The following SCN8A variants were observed in gnomAD, a reference collection of about 807,000 sequenced individuals.
The protein encoded by SCN8A is sodium channel protein type 8 subunit alpha.
SCN8A carries 30 observed loss-of-function variants against 184.1 expected under a neutral mutation model. The ratio of observed to expected loss-of-function variants is 0.16; its 90% CI spans 0.12 to 0.22. The LOEUF (loss-of-function observed/expected upper bound fraction) is 0.22, where lower values mean the gene tolerates loss of function less well. Among genes scored for constraint, SCN8A ranks in the 10% least tolerant of loss-of-function variants. The pLI is 1.00. For synonymous variants in SCN8A, 852 were observed against 907.0 expected, an observed-to-expected ratio of 0.94 and a Z score of 1.09; for missense variants, 1,057 against 2,498.9, an observed-to-expected ratio of 0.42 and a Z score of 12.30.
chr12:51,597,413 G>A lies in SCN8A; in HGVS notation c.-55+6054G>A, dbSNP rs61933352. On this transcript the variant is annotated intron_variant, in intron 1 of 26. Transcript: ENST00000627620. Reference sequence around the variant, plus strand: ...ATAAATTTTTGGGGGTTCCTGGGGAGTAAGAATGCTAGAGAAATAGTGGAT... The same window carrying A: ...ATAAATTTTTGGGGGTTCCTGGGGAATAAGAATGCTAGAGAAATAGTGGAT... Among the ~76,000 whole-genome samples the A allele has an allele frequency of 4.9e-3, 744 of 152,234 alleles. 5 individuals are homozygous for A. The highest frequency in any genetic ancestry group is 8.8e-3 in the Non-Finnish European group (597 of 67,998).
chr12:51,612,414 T>G (rs1387948738), intron 1 of SCN8A, among the ~76,000 whole-genome samples: 1 of 152,226 alleles, frequency 6.6e-6, no homozygotes, highest in African/African-American at 2.4e-5. Context: ...TCCACTCACC[T>G]TGGCCTACCA....
intron 1 of SCN8A, among the ~76,000 whole-genome samples, chr12:51,645,066 G>C (rs575805242): frequency 2.7e-5 from 4 of 148,406 alleles, no homozygotes; most frequent in African/African-American, 1.0e-4. Flanking sequence ...CGCCCCGTCC[G>C]GGAGGGAGGT....
chr12:51,759,397 G>A (rs1480580010), intron 14 of SCN8A, among the ~76,000 whole-genome samples: 2 of 152,270 alleles, frequency 1.3e-5, no homozygotes, highest in East Asian at 3.9e-4. Flanking sequence ...TGGCTAAAGG[G>A]CAAGTAGTTT....
At chr12:51,786,214 T>C (rs1224328894) in intron 21 of SCN8A, among the ~76,000 whole-genome samples, 1 of 152,220 alleles carries the variant, frequency 6.6e-6, no homozygotes, top group African/African-American at 2.4e-5. Flanking sequence ...ATTGGGCATA[T>C]TTTATGAATT....
At chr12:51,796,872 A>C (rs1254795307) in intron 26 of SCN8A, among the ~76,000 whole-genome samples, 1 of 152,204 alleles carries the variant, frequency 6.6e-6, no homozygotes, top group African/African-American at 2.4e-5. Flanking sequence ...GAAGGCCAGA[A>C]GACTCAGCAA....
At position 51,762,688 on chromosome 12, in the gene SCN8A, T is replaced by G. The variant is rs1261864400; in HGVS notation, c.2544+12T>G. On this transcript the variant is annotated intron_variant, in intron 15 of 26. Coordinates refer to ENST00000627620, the MANE Select transcript of SCN8A (RefSeq NM_001330260.2). ...GATCTTTCCGATTGGTATTCCATAT[T>G]TCTCCAATTTCTTTTAACATTTCCT... 1.3e-6 allele frequency: 2 copies of G among 1,554,638 alleles called. No individual in the cohort carries two copies. Among genetic ancestry groups the G allele is most frequent in the African/African-American group, 2.8e-5 (2 of 70,968 alleles).
At chr12:51,621,980 G>C (rs968701903) in intron 1 of SCN8A, among the ~76,000 whole-genome samples, 1 of 152,146 alleles carries the variant, frequency 6.6e-6, no homozygotes, top group South Asian at 2.1e-4. Flanking sequence ...CATTACAGGA[G>C]ACTCAGTTCA....
At chr12:51,630,073 T>C (rs1218218788) in intron 1 of SCN8A, among the ~76,000 whole-genome samples, 4 of 152,196 alleles carry the variant, frequency 2.6e-5, no homozygotes, top group African/African-American at 4.8e-5. Flanking sequence ...AACTTCACTG[T>C]GCCATGATTT....
intron 13 of SCN8A, among the ~76,000 whole-genome samples, chr12:51,746,542 A>G (rs955601747): frequency 1.3e-5 from 2 of 152,276 alleles, no homozygotes; most frequent in East Asian, 1.9e-4. Flanking sequence ...AAACACCCCC[A>G]CATATCCATA....
chr12:51,710,588 G>C (rs1941858040), intron 11 of SCN8A, among the ~76,000 whole-genome samples: 2 of 152,292 alleles, frequency 1.3e-5, no homozygotes, highest in African/African-American at 4.8e-5. Context: ...GAGCATGGGA[G>C]GTTGAAGCTG....
At chr12:51,637,902 A>G (rs547162521) in intron 1 of SCN8A, among the ~76,000 whole-genome samples, 2 of 152,348 alleles carry the variant, frequency 1.3e-5, no homozygotes, top group East Asian at 1.9e-4. Flanking sequence ...GGAGAAGTCA[A>G]TTCCTGGCTT....
chr12:51,639,273 T>C (rs1180376807), intron 1 of SCN8A, among the ~76,000 whole-genome samples: 1 of 152,142 alleles, frequency 6.6e-6, no homozygotes, highest in African/African-American at 2.4e-5. Flanking sequence ...GGGCTGAAAG[T>C]CGTTTCCTGA....
At chr12:51,775,264 G>T (rs1286519827) in intron 20 of SCN8A, among the ~76,000 whole-genome samples, 1 of 152,234 alleles carries the variant, frequency 6.6e-6, no homozygotes, top group African/African-American at 2.4e-5. Flanking sequence ...CATGTAGAAT[G>T]CAGGTTTCAT....
Position 51,706,720 on chromosome 12 carries a change from ACT to A in SCN8A, c.1635+8_1635+9del. On this transcript the variant is annotated splice_donor_region_variant and intron_variant, in intron 11 of 26. Transcript: ENST00000627620. ...AAATTTTCCATCATGAATCAGGTAAACTCTTCTTTTTTCTATACCTTTTTCAA... is the reference window on the plus strand; with the variant it reads ...AAATTTTCCATCATGAATCAGGTAAACTTCTTTTTTCTATACCTTTTTCAA... The A allele has an allele frequency of 6.6e-7, 1 of 1,509,464 alleles. No individual in the cohort carries two copies. Among genetic ancestry groups the A allele is most frequent in the Non-Finnish European group, 8.8e-7 (1 of 1,133,848 alleles). 93.5% of individuals were successfully genotyped at this position (1,509,464 alleles called of 1,614,324 possible). A position where few individuals can be genotyped will look rare whatever the true frequency, so the allele number is the denominator to read the frequency against.
chr12:51,663,710 A>G (rs1298558278), intron 2 of SCN8A, among the ~76,000 whole-genome samples: 1 of 152,090 alleles, frequency 6.6e-6, no homozygotes, highest in Non-Finnish European at 1.5e-5. Flanking sequence ...AGAACTACTA[A>G]TCTTCATTTG....
chr12:51,636,456 A>G lies in SCN8A; in HGVS notation c.-54-26308A>G, dbSNP rs144197522. ...TTAGCCCAAGAAGGTGCTCCATTTTATTGACAACAAATGTCATACTCCCAA... is the reference window on the plus strand; with the variant it reads ...TTAGCCCAAGAAGGTGCTCCATTTTGTTGACAACAAATGTCATACTCCCAA... On this transcript the variant is annotated intron_variant, in intron 1 of 26. Transcript: ENST00000627620. Among the ~76,000 whole-genome samples the G allele has an allele frequency of 7.6e-3, 1,164 of 152,300 alleles. 13 individuals carry two copies. Among genetic ancestry groups the G allele is most frequent in the African/African-American group, 0.026 (1,098 of 41,564 alleles).
At chr12:51,703,092 C>T (rs1265047920) in intron 9 of SCN8A, among the ~76,000 whole-genome samples, 178 bp downstream of exon 9, 1 of 152,174 alleles carries the variant, frequency 6.6e-6, no homozygotes, top group East Asian at 1.9e-4. Flanking sequence ...CCCTGTTTCT[C>T]GAATGCTCAG....
At chr12:51,756,266 A>G (rs1033055515) in intron 14 of SCN8A, among the ~76,000 whole-genome samples, 1 of 151,686 alleles carries the variant, frequency 6.6e-6, no homozygotes, top group Non-Finnish European at 1.5e-5. Flanking sequence ...ACTTTATCCC[A>G]AACTAGGCGA....
chr12:51,706,522 C>G lies in SCN8A; in HGVS notation c.1442C>G (p.Ser481Cys). ...TCCCCTCGGAGCTCTTCTGAAATCT[C>G]TAAACTCAGCTCAAAGAGTGCAAAG... The part of the protein sequence containing the change: ...GGSPRSSSEI[S>C]KLSSKSAKER... The change falls in exon 11 of 27, where the codon TCT becomes TGT. Residue 481 changes from serine to cysteine, a missense_variant. Ser to Cys is a moderately radical substitution (Grantham distance 112). This residue lies in a region of SCN8A where 322 missense variants were observed against 390.1 expected (regional missense o/e 0.83). Transcript: ENST00000627620. 1 of 1,605,318 alleles carries G rather than the reference C, an allele frequency of 6.2e-7. No individual in the cohort carries two copies. The highest frequency in any genetic ancestry group is 8.5e-7 in the Non-Finnish European group (1 of 1,175,934).
Sources: gnomAD v4.1 joint callset for allele counts (sites outside exome capture counted in the v4.1 genomes callset) on GRCh38, gnomAD v4.1.1 for gene constraint, gnomAD v4.1.1 regional missense constraint, MANE v1.5 for transcripts, NCBI Gene and HGNC (gene_info 2026-07-23, HGNC 2026-07-21) for gene names.